The following ROBO2 variants were observed in gnomAD, a reference collection of about 807,000 sequenced individuals.
ROBO2 encodes the protein roundabout guidance receptor 2.
In ROBO2, 53 loss-of-function variants were observed where a neutral mutation model predicts 160.8. The observed-to-expected ratio is 0.33, with a 90% confidence interval of 0.26 to 0.41. The LOEUF is 0.41. Ranked by LOEUF, ROBO2 falls within the 10% of genes least tolerant of loss-of-function variation. The pLI is 1.00. For synonymous variants in ROBO2, 664 were observed against 611.7 expected (o/e 1.09, Z -1.26); for missense variants, 1,577 against 1,722.4 (o/e 0.92, Z 1.49).
At position 76,833,287 on chromosome 3, in the gene ROBO2, CTTAG is replaced by C. The variant is rs375339863; in HGVS notation, c.110-264724_110-264721del. ...TTGTTTTACTTATTTTCAGGTTTTA[CTTAG>C]TTTGAAACATGTGACAACTATTGGT... On this transcript the variant is annotated intron_variant, in intron 2 of 26. Coordinates refer to the ROBO2 transcript ENST00000487694. Among the ~76,000 whole-genome samples, 140 of 152,204 alleles carry C rather than the reference CTTAG, an allele frequency of 9.2e-4. 1 individual carries two copies. Among genetic ancestry groups the C allele is most frequent in the African/African-American group, 3.2e-3 (131 of 41,564 alleles).
chr3:76,577,661 T>C (rs189673232), intron 2 of ROBO2, among the ~76,000 whole-genome samples: 266 of 152,268 alleles, frequency 1.7e-3, no homozygotes, highest in African/African-American at 6.2e-3. Flanking sequence ...TAACACTTTC[T>C]AGGGGAACTG....
At chr3:76,300,836 G>A (rs1709319089) in intron 2 of ROBO2, among the ~76,000 whole-genome samples, 1 of 152,040 alleles carries the variant, frequency 6.6e-6, no homozygotes, top group Admixed American at 6.6e-5. Context: ...ATGAAGCCAG[G>A]TGAGTCTTTT....
At chr3:77,632,243 G>A (rs2153713764) in intron 23 of ROBO2, 1 of 421,230 alleles carries the variant, frequency 2.4e-6, no homozygotes, top group South Asian at 5.5e-5. Flanking sequence ...GTTGAACAGT[G>A]CAGCACATGC....
At position 76,580,810 on chromosome 3, in the gene ROBO2, C is replaced by CT. The variant is rs779789952; in HGVS notation, c.110-517196dup. Among the ~76,000 whole-genome samples the CT allele has an allele frequency of 2.9e-4, 44 of 151,874 alleles. 2 individuals carry two copies. Among genetic ancestry groups the CT allele is most frequent in the South Asian group, 2.7e-3 (13 of 4,800 alleles). On this transcript the variant is annotated intron_variant, in intron 2 of 26. Transcript: ENST00000487694. ...TATAACAAAGATGATAAGAAGTAAC[C>CT]TTTTTTTTCCATAGCAGTAACCACA...
intron 1 of ROBO2, among the ~76,000 whole-genome samples, chr3:75,916,418 ACCAACATG>A (rs1448003449): frequency 6.6e-6 from 1 of 152,200 alleles, no homozygotes; most frequent in Non-Finnish European, 1.5e-5. Context: ...AATGTATTAT[ACCAACATG>A]GCAGCTCACA....
intron 2 of ROBO2, among the ~76,000 whole-genome samples, chr3:76,765,421 A>G (rs753326964): frequency 4.0e-5 from 6 of 151,336 alleles, no homozygotes; most frequent in Non-Finnish European, 7.4e-5. Context: ...ATTCTTTGAT[A>G]CTCCTACTGT....
chr3:76,318,671 T>G (rs1027017392), intron 2 of ROBO2, among the ~76,000 whole-genome samples: 7 of 152,142 alleles, frequency 4.6e-5, no homozygotes, highest in African/African-American at 1.7e-4. Flanking sequence ...GGTTTACAAC[T>G]TAGCTATAAA....
intron 2 of ROBO2, among the ~76,000 whole-genome samples, chr3:77,139,365 A>G (rs929657828): frequency 6.6e-6 from 1 of 152,228 alleles, no homozygotes; most frequent in Non-Finnish European, 1.5e-5. Flanking sequence ...CACTCCATTC[A>G]TATTTGAAAA....
At chr3:77,598,371 C>A (rs2094353045) in intron 19 of ROBO2, among the ~76,000 whole-genome samples, 1 of 149,758 alleles carries the variant, frequency 6.7e-6, no homozygotes, top group East Asian at 2.0e-4. Flanking sequence ...TTCCCTTCTG[C>A]AAATAAAATA....
At chr3:76,110,520 G>T (rs911749199) in intron 2 of ROBO2, among the ~76,000 whole-genome samples, 1 of 152,040 alleles carries the variant, frequency 6.6e-6, no homozygotes, top group African/African-American at 2.4e-5. Flanking sequence ...GATTTGAAAG[G>T]TTAAATATAA....
At chr3:76,283,151 T>TATATATATATATATATATAA (rs1219870606) in intron 2 of ROBO2, among the ~76,000 whole-genome samples, 20 of 137,534 alleles carry the variant, frequency 1.5e-4, no homozygotes, top group African/African-American at 4.6e-4. Flanking sequence ...TATATATATA[T>TATATATATATATATATATAA]AAAACTACAT....
At chr3:76,960,886 A>G (rs1178168195) in intron 2 of ROBO2, among the ~76,000 whole-genome samples, 1 of 152,200 alleles carries the variant, frequency 6.6e-6, no homozygotes, top group Non-Finnish European at 1.5e-5. Flanking sequence ...TATTAAATGT[A>G]GACTTATTCA....
At position 76,339,722 on chromosome 3, in the gene ROBO2, G is replaced by A. The variant is rs551571653; in HGVS notation, c.109+402120G>A. ...GTATAGTAAACGCATGCTGTGTGCAGCACCACTTTGAATATGAGTTTGATT... is the reference window on the plus strand; with the variant it reads ...GTATAGTAAACGCATGCTGTGTGCAACACCACTTTGAATATGAGTTTGATT... On this transcript the variant is annotated intron_variant, in intron 2 of 26. Coordinates refer to the ROBO2 transcript ENST00000487694. Among the ~76,000 whole-genome samples the A allele has an allele frequency of 2.0e-5, 3 of 152,144 alleles. No homozygotes were observed. In the East Asian group the frequency reaches 5.8e-4, roughly 29 times the overall value.
intron 2 of ROBO2, among the ~76,000 whole-genome samples, chr3:76,447,593 G>A (rs375558963): frequency 3.3e-5 from 5 of 149,994 alleles, no homozygotes; most frequent in Non-Finnish European, 7.4e-5. Context: ...ACAGGCACAC[G>A]TATGTATATT....
intron 2 of ROBO2, among the ~76,000 whole-genome samples, chr3:75,940,347 A>G (rs1947996151): frequency 1.3e-5 from 2 of 152,186 alleles, no homozygotes; most frequent in Non-Finnish European, 2.9e-5. Context: ...ATGTAGGGCC[A>G]TTATCCCTCT....
chr3:76,301,150 G>T (rs1325100743), intron 2 of ROBO2, among the ~76,000 whole-genome samples: 1 of 152,062 alleles, frequency 6.6e-6, no homozygotes, highest in Non-Finnish European at 1.5e-5. Context: ...AAATCTAAAG[G>T]AAGGACATTA....
At chr3:76,136,386 G>A (rs1362920543) in intron 2 of ROBO2, among the ~76,000 whole-genome samples, 1 of 152,112 alleles carries the variant, frequency 6.6e-6, no homozygotes, top group Non-Finnish European at 1.5e-5. Flanking sequence ...ACAGTGTTCA[G>A]AAATTGCTGT....
chr3:76,243,276 T>A (rs1372742911), intron 2 of ROBO2, among the ~76,000 whole-genome samples: 2 of 152,142 alleles, frequency 1.3e-5, no homozygotes, highest in Non-Finnish European at 2.9e-5. Context: ...CTGCCGGTCC[T>A]TCTATTTTTC....
chr3:76,978,944 T>TTA (rs1230878727), intron 2 of ROBO2, among the ~76,000 whole-genome samples: 2 of 141,432 alleles, frequency 1.4e-5, no homozygotes, highest in Admixed American at 7.0e-5. Flanking sequence ...GTTTGTTTTT[T>TTA]AAAAAAAAAA....
Sources: allele counts gnomAD v4.1 joint callset (sites outside exome capture counted in the v4.1 genomes callset), GRCh38; gene constraint gnomAD v4.1.1; transcripts MANE v1.5; gene names NCBI Gene and HGNC (gene_info 2026-07-23, HGNC 2026-07-21).